The following SINHCAF variants were observed in gnomAD, a reference collection of about 807,000 sequenced individuals.
SINHCAF encodes the protein SIN3-HDAC complex-associated factor.
Under a neutral mutation model 25.8 loss-of-function variants are expected in SINHCAF, and 3 were observed. The observed-to-expected ratio is 0.12, with a 90% CI of 0.05 to 0.30. The LOEUF (loss-of-function observed/expected upper bound fraction) is 0.30, where lower values mean the gene tolerates loss of function less well. Ranked by LOEUF, SINHCAF falls within the 10% of genes least tolerant of loss-of-function variation. SINHCAF has a pLI of 1.00. For synonymous variants in SINHCAF, 70 were observed against 85.5 expected, an observed-to-expected ratio of 0.82 and a Z score of 1.00; for missense variants, 121 against 262.3, an observed-to-expected ratio of 0.46 and a Z score of 3.72.
intron 1 of SINHCAF, chr12:31,304,888 G>GTTA (rs1295621252): frequency 1.3e-5 from 2 of 152,118 alleles, no homozygotes; most frequent in Non-Finnish European, 2.9e-5. Flanking sequence ...CATTAACCAG[G>GTTA]TTATATATCC....
chr12:31,312,501 A>G (rs925522858), intron 1 of SINHCAF, among the ~76,000 whole-genome samples: 1 of 152,210 alleles, frequency 6.6e-6, no homozygotes, highest in Non-Finnish European at 1.5e-5. Context: ...TCATTGTATG[A>G]AGGCTCCATT....
intron 1 of SINHCAF, among the ~76,000 whole-genome samples, chr12:31,306,805 G>A (rs1270776422): frequency 2.6e-5 from 4 of 152,178 alleles, no homozygotes. Context: ...CCAAAGTCAT[G>A]AGCACCATCA....
At chr12:31,302,815 A>G (rs974734068) in intron 1 of SINHCAF, 32 of 457,616 alleles carry the variant, frequency 7.0e-5, no homozygotes, top group Non-Finnish European at 8.6e-5. Context: ...GATTGATTCC[A>G]TCCTGCCTTT....
chr12:31,295,158 T>C, intron 3 of SINHCAF, 76 bp downstream of exon 3: 2 of 879,584 alleles, frequency 2.3e-6, no homozygotes, highest in East Asian at 5.1e-5. Flanking sequence ...ATATATTACT[T>C]CCTAAATTAG....
chr12:31,314,238 T>TA (rs1939405891), intron 1 of SINHCAF, among the ~76,000 whole-genome samples: 1 of 151,094 alleles, frequency 6.6e-6, no homozygotes, highest in Non-Finnish European at 1.5e-5. Context: ...AAGATGAAGA[T>TA]AGAGTGGCAG....
chr12:31,285,322 A>G (rs1489549291), intron 5 of SINHCAF, among the ~76,000 whole-genome samples: 1 of 151,498 alleles, frequency 6.6e-6, no homozygotes, highest in Non-Finnish European at 1.5e-5. Context: ...CAGGAGGCGG[A>G]GGTTGCAGTG....
intron 1 of SINHCAF, among the ~76,000 whole-genome samples, chr12:31,319,411 C>G (rs1046352720): frequency 6.6e-6 from 1 of 152,130 alleles, no homozygotes; most frequent in African/African-American, 2.4e-5. Flanking sequence ...GCCTGTAATC[C>G]CAGCTACTCA....
At chr12:31,286,200 T>C (rs1250636099) in intron 5 of SINHCAF, among the ~76,000 whole-genome samples, 2 of 152,328 alleles carry the variant, frequency 1.3e-5, no homozygotes, top group East Asian at 1.9e-4. Context: ...ATCACAATTA[T>C]GTATTATGTA....
intron 2 of SINHCAF, among the ~76,000 whole-genome samples, chr12:31,296,312 C>T (rs1029760929): frequency 1.3e-5 from 2 of 151,860 alleles, no homozygotes; most frequent in East Asian, 2.0e-4. Flanking sequence ...ACCACAGGCA[C>T]GTGCCACCAC....
At position 31,325,329 on chromosome 12, in the gene SINHCAF, C is replaced by G. The variant is rs745858342; in HGVS notation, c.-21+695G>C. ...GGAAGACGGGCTGTTTTTAAGCGAC[C>G]GCGTGTTGCTCTCATTGTCGCATCC... On this transcript the variant is annotated intron_variant, in intron 1 of 5. Transcript: ENST00000337682. This position sits in a 1 kb window ranked among gnomAD's most constrained non-coding sequence, Gnocchi z 5.9. 25 of 431,746 alleles carry G rather than the reference C, an allele frequency of 5.8e-5. No homozygotes were observed. The highest frequency in any genetic ancestry group is 4.1e-4 in the South Asian group (25 of 61,406). The allele number at this position is 431,746 out of a possible 1,614,324, so 26.7% of individuals were successfully genotyped here.
chr12:31,282,655 G>A lies in SINHCAF; in HGVS notation c.*57C>T, dbSNP rs1284093784. ...AAAGAGGGTCAGTTTGTAGCTTTGT[G>A]GTTTTTCAAAATTCAGATATTTTTT... is the stretch of plus-strand genomic sequence containing the variant. On this transcript the variant is annotated 3_prime_UTR_variant, in exon 6 of 6. Coordinates refer to ENST00000337682, the MANE Select transcript of SINHCAF (RefSeq NM_001135812.2). 5 of 1,425,310 alleles carry A rather than the reference G, an allele frequency of 3.5e-6. No homozygotes were observed. Among genetic ancestry groups the A allele is most frequent in the Middle Eastern group, 1.9e-4 (1 of 5,390 alleles). The allele number at this position is 1,425,310 out of a possible 1,614,324, so 88.3% of individuals were successfully genotyped here. A position where few individuals can be genotyped will look rare whatever the true frequency, so the allele number is the denominator to read the frequency against.
intron 4 of SINHCAF, 37 bp downstream of exon 4, chr12:31,293,768 C>T: frequency 6.5e-7 from 1 of 1,542,786 alleles, no homozygotes; most frequent in Non-Finnish European, 8.7e-7. Context: ...AATAACAAAA[C>T]AATTATTAAG....
intron 1 of SINHCAF, among the ~76,000 whole-genome samples, chr12:31,314,439 T>C (rs909892522): frequency 2.6e-5 from 4 of 151,678 alleles, no homozygotes; most frequent in Admixed American, 2.6e-4. Flanking sequence ...GGCAGAAGAA[T>C]GGCGCGAACC....
chr12:31,297,937 G>T, intron 2 of SINHCAF, 140 bp downstream of exon 2: 1 of 834,300 alleles, frequency 1.2e-6, no homozygotes, highest in Non-Finnish European at 1.9e-6. Flanking sequence ...CATTTAAAAA[G>T]CAGGAGACTT....
chr12:31,296,296 G>C (rs189377240), intron 2 of SINHCAF, among the ~76,000 whole-genome samples: 1 of 152,100 alleles, frequency 6.6e-6, no homozygotes, highest in Non-Finnish European at 1.5e-5. Flanking sequence ...CTCCCTAGTA[G>C]CTGGGACCAC....
At chr12:31,303,338 G>C in intron 1 of SINHCAF, 3 of 546,280 alleles carry the variant, frequency 5.5e-6, no homozygotes, top group Non-Finnish European at 7.0e-6. Context: ...AGGAAGTCAT[G>C]TCCCACGTTG....
At chr12:31,311,910 G>T in intron 1 of SINHCAF, 3 of 546,166 alleles carry the variant, frequency 5.5e-6, no homozygotes, top group South Asian at 1.5e-5. Context: ...CCATTTTAAT[G>T]ACTAGTATCT....
Position 31,298,095 on chromosome 12 carries a change from T to A in SINHCAF, c.110A>T (p.Asp37Val). 1 of 1,614,002 alleles carries A rather than the reference T, an allele frequency of 6.2e-7. No homozygotes were observed. Among genetic ancestry groups the A allele is most frequent in the Non-Finnish European group, 8.5e-7 (1 of 1,179,920 alleles). Residue 37 changes from aspartate (D) to valine (V), a missense_variant, in exon 2 of 6, where the codon GAC becomes GTC. Physicochemically the swap from Asp to Val is radical, Grantham distance 152. Transcript: ENST00000337682. ...RFTDSKRYEK[D>V]FQSCFGLHET... The stretch of plus-strand genomic sequence containing the variant: ...ATCTTACCCAAAACAGCTCTGGAAG[T>A]CCTTTTCATAGCGTTTACTGTCAGT...
intron 1 of SINHCAF, among the ~76,000 whole-genome samples, chr12:31,319,250 C>G (rs1459599642): frequency 6.6e-6 from 1 of 152,206 alleles, no homozygotes; most frequent in Non-Finnish European, 1.5e-5. Flanking sequence ...AATGACAGGC[C>G]GGGCACAGTG....
Sources: allele counts gnomAD v4.1 joint callset (sites outside exome capture counted in the v4.1 genomes callset), GRCh38; gene constraint gnomAD v4.1.1; non-coding constraint Gnocchi (gnomAD v3.1); transcripts MANE v1.5; gene names NCBI Gene and HGNC (gene_info 2026-07-23, HGNC 2026-07-21).